The following RPS6KA5 variants were observed in gnomAD, a reference collection of about 807,000 sequenced individuals.
RPS6KA5 encodes ribosomal protein S6 kinase alpha-5.
In RPS6KA5, 27 loss-of-function variants were observed where a neutral mutation model predicts 85.5. The observed-to-expected ratio is 0.32, with a 90% CI of 0.23 to 0.44. The LOEUF (loss-of-function observed/expected upper bound fraction) is 0.44, where lower values mean the gene tolerates loss of function less well. RPS6KA5 is among the 20% of genes least tolerant of loss of function. The pLI is 1.00. For missense variants in RPS6KA5, 811 were observed against 980.9 expected (o/e 0.83, Z 2.31); for synonymous variants, 334 against 348.2 (o/e 0.96, Z 0.46).
intron 1 of RPS6KA5, among the ~76,000 whole-genome samples, chr14:91,013,700 A>G (rs1417692664): frequency 6.6e-6 from 1 of 152,236 alleles, no homozygotes; most frequent in Non-Finnish European, 1.5e-5. Context: ...AGAGGCAATA[A>G]AAGATTTTAA....
At chr14:90,945,139 C>G (rs2037807403) in intron 4 of RPS6KA5, among the ~76,000 whole-genome samples, 1 of 151,838 alleles carries the variant, frequency 6.6e-6, no homozygotes, top group Non-Finnish European at 1.5e-5. Flanking sequence ...GTTGTCCCAG[C>G]TACTCAGGAG....
intron 1 of RPS6KA5, among the ~76,000 whole-genome samples, chr14:91,058,069 G>C (rs567805332): frequency 3.3e-5 from 5 of 152,158 alleles, no homozygotes; most frequent in African/African-American, 1.2e-4. Context: ...ATTCTGAGAC[G>C]GGACCATATC....
intron 14 of RPS6KA5, among the ~76,000 whole-genome samples, chr14:90,881,462 A>C (rs1291313106): frequency 6.6e-6 from 1 of 151,520 alleles, no homozygotes; most frequent in Non-Finnish European, 1.5e-5. Context: ...CAAAAAAAAA[A>C]AAAAAGTCTA....
chr14:91,033,147 G>A (rs574971596), intron 1 of RPS6KA5, among the ~76,000 whole-genome samples: 6 of 148,132 alleles, frequency 4.1e-5, no homozygotes, highest in South Asian at 4.3e-4. Context: ...ACATTGGGGC[G>A]CCACTGCACT....
chr14:90,969,852 C>G (rs1040012309), intron 3 of RPS6KA5, among the ~76,000 whole-genome samples: 8 of 152,142 alleles, frequency 5.3e-5, no homozygotes, highest in Non-Finnish European at 7.4e-5. Flanking sequence ...GACCACTTCT[C>G]TCTTTTTTTC....
chr14:90,900,753 G>A lies in RPS6KA5; in HGVS notation c.1120-17C>T. 2 of 1,589,402 alleles carry A rather than the reference G, an allele frequency of 1.3e-6. No individual in the cohort carries two copies. The highest frequency in any genetic ancestry group is 1.8e-5 in the Admixed American group (1 of 55,230). On this transcript the variant is annotated splice_polypyrimidine_tract_variant and intron_variant, in intron 9 of 16. Transcript: ENST00000614987. ...GGAATAGCCCTAAAAACAAGACAAA[G>A]AAAGATAAAGAAAAACAACTTGCAG...
intron 7 of RPS6KA5, among the ~76,000 whole-genome samples, chr14:90,910,357 G>A (rs1566728583): frequency 6.6e-6 from 1 of 152,074 alleles, no homozygotes; most frequent in Non-Finnish European, 1.5e-5. Flanking sequence ...CAAGTGTACA[G>A]AATAAAGGGT....
At chr14:90,963,460 AC>A (rs1409821554) in intron 3 of RPS6KA5, among the ~76,000 whole-genome samples, 2 of 152,082 alleles carry the variant, frequency 1.3e-5, no homozygotes, top group African/African-American at 4.8e-5. Flanking sequence ...TCCTCATGTC[AC>A]CCACTCATTT....
At chr14:90,964,914 C>CAA (rs10713991) in intron 3 of RPS6KA5, among the ~76,000 whole-genome samples, 738 of 70,448 alleles carry the variant, frequency 0.01, 10 homozygotes, top group African/African-American at 0.035. Flanking sequence ...GACCCTGTCT[C>CAA]AAAAAAAAAA....
intron 1 of RPS6KA5, among the ~76,000 whole-genome samples, chr14:91,013,814 A>G (rs1333705037): frequency 2.6e-5 from 4 of 152,266 alleles, no homozygotes; most frequent in Non-Finnish European, 4.4e-5. Context: ...GCCAATGTAC[A>G]GGTTGAAACA....
chr14:90,933,292 G>A (rs942993351), intron 5 of RPS6KA5, among the ~76,000 whole-genome samples: 10 of 152,046 alleles, frequency 6.6e-5, no homozygotes, highest in African/African-American at 2.2e-4. Flanking sequence ...TCTGCTGTGT[G>A]TCTAATAAAT....
chr14:91,007,582 A>T (rs948667812), intron 1 of RPS6KA5, among the ~76,000 whole-genome samples: 11 of 152,240 alleles, frequency 7.2e-5, no homozygotes, highest in African/African-American at 2.7e-4. Flanking sequence ...TAATGCTCTC[A>T]CAAAGCAATT....
intron 3 of RPS6KA5, among the ~76,000 whole-genome samples, chr14:90,953,137 A>G (rs1234716230): frequency 6.6e-6 from 1 of 152,228 alleles, no homozygotes; most frequent in Admixed American, 6.5e-5. Context: ...TGGAGGGACC[A>G]GCTGGAGCCG....
intron 14 of RPS6KA5, among the ~76,000 whole-genome samples, chr14:90,884,021 A>C (rs1244078432): frequency 2.6e-5 from 4 of 152,144 alleles, no homozygotes; most frequent in African/African-American, 9.6e-5. Flanking sequence ...TCCTTTAAGT[A>C]CTCCTGGAAA....
chr14:91,028,772 C>G (rs567875467), intron 1 of RPS6KA5, among the ~76,000 whole-genome samples: 1 of 152,266 alleles, frequency 6.6e-6, no homozygotes, highest in Non-Finnish European at 1.5e-5. Flanking sequence ...CCCGCCTCTG[C>G]CTCCCAAAGT....
At chr14:90,872,386 T>TGACTTA (rs1238204865) in intron 16 of RPS6KA5, 64 bp from the exon 17 acceptor site, 1 of 1,527,482 alleles carries the variant, frequency 6.5e-7, no homozygotes, top group Non-Finnish European at 8.7e-7. Context: ...CTAGCAGTTA[T>TGACTTA]GACTTACAGC....
chr14:90,898,764 T>C (rs1324350581), intron 12 of RPS6KA5, among the ~76,000 whole-genome samples: 2 of 152,224 alleles, frequency 1.3e-5, no homozygotes, highest in African/African-American at 4.8e-5. Flanking sequence ...CCTCCCATAG[T>C]TCCTGCTGCA....
At chr14:91,015,834 T>C (rs2041465501) in intron 1 of RPS6KA5, among the ~76,000 whole-genome samples, 1 of 152,216 alleles carries the variant, frequency 6.6e-6, no homozygotes, top group Non-Finnish European at 1.5e-5. Flanking sequence ...TAAAAAAATG[T>C]TAACTCAGTG....
In RPS6KA5 at chr14:91,057,222, A is replaced by G. The variant is rs116757137; in HGVS notation, c.103+3110T>C. ...GGGACATTTTCTTAGACATACATTCAAGAAATGTATGTTTAAGTGATCTGT... is the reference window on the plus strand; with the variant it reads ...GGGACATTTTCTTAGACATACATTCGAGAAATGTATGTTTAAGTGATCTGT... On this transcript the variant is annotated intron_variant, in intron 1 of 16. Coordinates refer to ENST00000614987, the MANE Select transcript of RPS6KA5 (RefSeq NM_004755.4). 3.4e-3 allele frequency among the ~76,000 whole-genome samples: 513 copies of G among 152,110 alleles called. 3 individuals carry two copies. The highest frequency in any genetic ancestry group is 0.012 in the African/African-American group (489 of 41,472).
Sources: allele counts gnomAD v4.1 joint callset (sites outside exome capture counted in the v4.1 genomes callset), GRCh38; gene constraint gnomAD v4.1.1; transcripts MANE v1.5; gene names NCBI Gene and HGNC (gene_info 2026-07-23, HGNC 2026-07-21).